The following PITPNM2 variants were observed in gnomAD, a reference collection of about 807,000 sequenced individuals.
PITPNM2 encodes membrane-associated phosphatidylinositol transfer protein 2.
Under a neutral mutation model 132.2 loss-of-function variants are expected in PITPNM2, and 35 were observed. That is an observed-to-expected ratio of 0.26 (90% CI 0.20 to 0.35). PITPNM2 has a LOEUF of 0.35. Among genes scored for constraint, PITPNM2 ranks in the 10% least tolerant of loss-of-function variants. The pLI is 1.00. For missense variants in PITPNM2, 1,332 were observed against 1,912.0 expected (o/e 0.70, Z 5.66); for synonymous variants, 738 against 799.2 (o/e 0.92, Z 1.29).
chr12:123,033,687 T>C (rs948066522), intron 3 of PITPNM2, among the ~76,000 whole-genome samples: 2 of 152,092 alleles, frequency 1.3e-5, no homozygotes, highest in African/African-American at 4.8e-5. Flanking sequence ...TTCCTGTCTG[T>C]AGAATGGGGT....
intron 2 of PITPNM2, among the ~76,000 whole-genome samples, chr12:123,102,229 G>GT (rs2042579638): frequency 6.6e-6 from 1 of 152,232 alleles, no homozygotes; most frequent in Non-Finnish European, 1.5e-5. Flanking sequence ...AACATGTGCT[G>GT]TGGGGGAAGA....
At chr12:123,110,125 T>C (rs1037670394) in intron 2 of PITPNM2, among the ~76,000 whole-genome samples, 1 of 150,618 alleles carries the variant, frequency 6.6e-6, no homozygotes, top group African/African-American at 2.4e-5. Context: ...ACCCAGTTAA[T>C]TTTTTTTTTC....
In PITPNM2 at chr12:123,121,144, G is replaced by A. The variant is rs544994766; in HGVS notation, c.-199-10656C>T. Among the ~76,000 whole-genome samples the A allele has an allele frequency of 9.8e-5, 15 of 152,334 alleles. No homozygotes were observed. The South Asian group carries it at 3.1e-3, about 32-fold the overall frequency. On this transcript the variant is annotated intron_variant, in intron 1 of 25. Transcript: ENST00000320201. ...CCCAAACCCCAGTGAGCAGGTCAGCGCCAGGCCTGGCCAAGCTCTCACCGG... is the reference window on the plus strand; with the variant it reads ...CCCAAACCCCAGTGAGCAGGTCAGCACCAGGCCTGGCCAAGCTCTCACCGG...
chr12:123,040,400 C>T (rs1189676245), intron 2 of PITPNM2, among the ~76,000 whole-genome samples: 1 of 152,040 alleles, frequency 6.6e-6, no homozygotes, highest in Non-Finnish European at 1.5e-5. Context: ...TATATATATA[C>T]TTACCACAAT....
chr12:123,105,627 G>A (rs1364771100), intron 2 of PITPNM2: 3 of 152,170 alleles, frequency 2.0e-5, no homozygotes, highest in East Asian at 1.9e-4. Flanking sequence ...GTTACCGGGA[G>A]GCATGAGGGC....
intron 2 of PITPNM2, among the ~76,000 whole-genome samples, chr12:123,043,065 C>T (rs1019617424): frequency 6.6e-6 from 1 of 151,998 alleles, no homozygotes; most frequent in African/African-American, 2.4e-5. Context: ...AGAGTAGTTC[C>T]ACCTTTATGT....
At chr12:123,015,309 C>A (rs1320479404) in intron 3 of PITPNM2, among the ~76,000 whole-genome samples, 1 of 151,996 alleles carries the variant, frequency 6.6e-6, no homozygotes, top group Non-Finnish European at 1.5e-5. Flanking sequence ...CTACAGTAAT[C>A]AAAAAAGTGT....
At chr12:123,101,191 T>A (rs1447873095) in intron 2 of PITPNM2, among the ~76,000 whole-genome samples, 1 of 152,220 alleles carries the variant, frequency 6.6e-6, no homozygotes, top group Non-Finnish European at 1.5e-5. Flanking sequence ...CTAGGCCATT[T>A]TGGGGAGATG....
chr12:122,997,140 A>G (rs958058478), intron 11 of PITPNM2, among the ~76,000 whole-genome samples, 185 bp downstream of exon 11: 3 of 152,136 alleles, frequency 2.0e-5, no homozygotes, highest in Non-Finnish European at 4.4e-5. Context: ...CCATGGGCCC[A>G]GGCCTCCTGG....
At position 123,030,814 on chromosome 12, in the gene PITPNM2, C is replaced by T. The variant is rs1457344080; in HGVS notation, c.78+3699G>A. Among the ~76,000 whole-genome samples the T allele has an allele frequency of 2.6e-5, 4 of 152,154 alleles. No homozygotes were observed. The East Asian group carries it at 5.8e-4, about 22-fold the overall frequency. The stretch of plus-strand genomic sequence containing the variant: ...AGTGGAATATGATTCAGCCATAAAA[C>T]GTAATGAGGCACTGACACATGCTAT... On this transcript the variant is annotated intron_variant, in intron 3 of 25. Coordinates refer to ENST00000320201, the MANE Select transcript of PITPNM2 (RefSeq NM_020845.3).
chr12:123,020,055 AG>A (rs2039606369), intron 3 of PITPNM2, among the ~76,000 whole-genome samples: 1 of 152,176 alleles, frequency 6.6e-6, no homozygotes, highest in Non-Finnish European at 1.5e-5. Flanking sequence ...GTGGCAGGGA[AG>A]GGCCTGGGAG....
At chr12:123,067,232 G>A (rs941956956) in intron 2 of PITPNM2, among the ~76,000 whole-genome samples, 6 of 152,064 alleles carry the variant, frequency 3.9e-5, no homozygotes, top group Non-Finnish European at 7.4e-5. Flanking sequence ...AAGGTGGGTG[G>A]AACACCTGAG....
chr12:123,115,553 GCA>G (rs1038568699), intron 1 of PITPNM2, among the ~76,000 whole-genome samples: 13 of 151,080 alleles, frequency 8.6e-5, no homozygotes, highest in African/African-American at 3.2e-4. Flanking sequence ...ACACACACAC[GCA>G]CACACACACA....
Position 122,988,835 on chromosome 12 carries a change from G to A in PITPNM2, c.2769C>T (p.Tyr923=), listed in dbSNP as rs772712919. The change falls in exon 19 of 26, where the codon TAC becomes TAT. Residue 923 remains tyrosine, a synonymous_variant. Transcript: ENST00000320201. ...TGAGGGCGTCAGGGCAGTACAGGGC[G>A]TAGTCGATCCGCTTCTGGCCCCACC... ...AKWWGQKRID[Y]ALYCPDALTA... is the part of the protein sequence containing the mutation. 129 of 1,580,358 alleles carry A rather than the reference G, an allele frequency of 8.2e-5. No homozygotes were observed. The highest frequency in any genetic ancestry group is 1.3e-4 in the Admixed American group (7 of 54,336).
In PITPNM2 at chr12:123,000,379, A is replaced by T. The variant is rs978722099; in HGVS notation, c.1224+399T>A. Reference sequence around the variant, plus strand: ...GGGCCATCTTGTCGGCCACGGCCACATCACTTCTGCCTAGACGACTGTCGC... The same window carrying T: ...GGGCCATCTTGTCGGCCACGGCCACTTCACTTCTGCCTAGACGACTGTCGC... On this transcript the variant is annotated intron_variant, in intron 10 of 25. Coordinates refer to ENST00000320201, the MANE Select transcript of PITPNM2 (RefSeq NM_020845.3). This position sits in a 1 kb window ranked among gnomAD's most constrained non-coding sequence, Gnocchi z 5.4. The T allele has an allele frequency of 1.9e-5, 13 of 701,908 alleles. No individual in the cohort carries two copies. Among genetic ancestry groups the T allele is most frequent in the Non-Finnish European group, 3.1e-5 (12 of 384,816 alleles). The allele number at this position is 701,908 out of a possible 1,614,324, so 43.5% of individuals were successfully genotyped here. A position where few individuals can be genotyped will look rare whatever the true frequency, so the allele number is the denominator to read the frequency against.
At chr12:123,100,587 C>G (rs1457713688) in intron 2 of PITPNM2, among the ~76,000 whole-genome samples, 1 of 151,580 alleles carries the variant, frequency 6.6e-6, no homozygotes, top group Non-Finnish European at 1.5e-5. Context: ...GATTGCACCA[C>G]TGCACTCCAG....
At chr12:123,060,449 C>T (rs983612937) in intron 2 of PITPNM2, among the ~76,000 whole-genome samples, 2 of 152,232 alleles carry the variant, frequency 1.3e-5, no homozygotes, top group Non-Finnish European at 2.9e-5. Flanking sequence ...GTAAAGCCAC[C>T]CTGACCCTGT....
At chr12:123,080,983 G>A (rs932859905) in intron 2 of PITPNM2, among the ~76,000 whole-genome samples, 1 of 152,248 alleles carries the variant, frequency 6.6e-6, no homozygotes, top group Non-Finnish European at 1.5e-5. Flanking sequence ...GTGGGAAATA[G>A]AACTTTTCCA....
Position 122,992,009 on chromosome 12 carries a change from G to GACGCTGGGACAC in PITPNM2, c.2404+478_2404+489dup. 1 of 1,032,790 alleles carries GACGCTGGGACAC rather than the reference G, an allele frequency of 9.7e-7. No homozygotes were observed. Among genetic ancestry groups the GACGCTGGGACAC allele is most frequent in the Non-Finnish European group, 1.3e-6 (1 of 797,030 alleles). 64.0% of individuals were successfully genotyped at this position (1,032,790 alleles called of 1,614,324 possible). Reference sequence around the variant, plus strand: ...CTCCTCGAGGACCAGGACGTGACAAGACGCTGGGACACACGCTGGGGCAGG... The same window carrying GACGCTGGGACAC: ...CTCCTCGAGGACCAGGACGTGACAAGACGCTGGGACACACGCTGGGACACACGCTGGGGCAGG... On this transcript the variant is annotated intron_variant, in intron 16 of 25. Transcript: ENST00000320201. This position sits in a 1 kb window ranked among gnomAD's most constrained non-coding sequence, Gnocchi z 6.5.
Sources: gnomAD v4.1 joint callset for allele counts (sites outside exome capture counted in the v4.1 genomes callset) on GRCh38, gnomAD v4.1.1 for gene constraint, Gnocchi (gnomAD v3.1) non-coding constraint, MANE v1.5 for transcripts, NCBI Gene and HGNC (gene_info 2026-07-23, HGNC 2026-07-21) for gene names.